Variants in PAEP observed in about 807,000 individuals in gnomAD.
The protein encoded by PAEP is progestagen associated endometrial protein, also known as glycodelin.
A neutral mutation model predicts 23.0 loss-of-function variants in PAEP; 28 were observed. That is an observed-to-expected ratio of 1.22 (90% CI 0.90 to 1.67). The LOEUF (loss-of-function observed/expected upper bound fraction) is 1.67. PAEP is among the 40% of genes most tolerant of loss of function. The pLI, the probability that PAEP is intolerant of heterozygous loss-of-function variation, is 0.00. For missense variants in PAEP, 209 were observed against 226.4 expected, an observed-to-expected ratio of 0.92 and a Z score of 0.49; for synonymous variants, 103 against 92.4, an observed-to-expected ratio of 1.12 and a Z score of -0.66.
At chr9:135,563,504 G>GGGTAGGTA (rs71381898) in intron 3 of PAEP, among the ~76,000 whole-genome samples, 4 of 145,990 alleles carry the variant, frequency 2.7e-5, no homozygotes, top group Non-Finnish European at 4.5e-5. Context: ...GTGGGTAGGT[G>GGGTAGGTA]AACAGGTGGG....
intron 2 of PAEP, 46 bp downstream of exon 2, chr9:135,562,479 C>T (rs1416321055): frequency 1.3e-6 from 2 of 1,598,878 alleles, no homozygotes; most frequent in African/African-American, 1.3e-5. Context: ...GCTCAGTCTC[C>T]CCCCTCAGGG....
Position 135,564,124 on chromosome 9 carries a change from G to A in PAEP, c.311-120G>A, listed in dbSNP as rs936080384. On this transcript the variant is annotated intron_variant, in intron 3 of 6. Transcript: ENST00000479141. Reference sequence around the variant, plus strand: ...GATCATGGTCCACAGCAGGGGCCACGTCCCATGGTGTCAGTGGATGAGGAA... The same window carrying A: ...GATCATGGTCCACAGCAGGGGCCACATCCCATGGTGTCAGTGGATGAGGAA... 2.8e-6 allele frequency: 4 copies of A among 1,427,966 alleles called. 1 individual carries two copies. In the South Asian group the frequency reaches 4.2e-5, roughly 15 times the overall value. The allele number at this position is 1,427,966 out of a possible 1,614,324, so 88.5% of individuals were successfully genotyped here.
chr9:135,564,249 G>C lies in PAEP; in HGVS notation c.316G>C (p.Val106Leu), dbSNP rs1776888551. ...NPKKFKINYT[V>L]ANEATLLDTD... ...TTCTTCTCTTCTTTCCCCAGATACG[G>C]TGGCGAACGAGGCCACGCTGCTCGA... The change falls in exon 4 of 7, where the codon GTG becomes CTG. Residue 106 changes from valine (V) to leucine (L), a missense_variant. By Grantham distance (32) the Val-to-Leu change is conservative (BLOSUM62 1). Transcript: ENST00000479141. 6.4e-7 allele frequency: 1 copy of C among 1,552,574 alleles called. No homozygotes were observed. Among genetic ancestry groups the C allele is most frequent in the Non-Finnish European group, 8.7e-7 (1 of 1,147,376 alleles).
chr9:135,562,483 C>T (rs202147827), intron 2 of PAEP, 50 bp downstream of exon 2: 15 of 1,595,684 alleles, frequency 9.4e-6, no homozygotes, highest in Admixed American at 6.8e-5. Flanking sequence ...AGTCTCCCCC[C>T]TCAGGGGTCC....
chr9:135,563,734 A>T (rs536297775), intron 3 of PAEP, among the ~76,000 whole-genome samples: 10 of 152,222 alleles, frequency 6.6e-5, no homozygotes, highest in South Asian at 2.1e-4. Flanking sequence ...TTATTTTTTT[A>T]AAAAGACAGA....
intron 4 of PAEP, chr9:135,564,572 C>T (rs1285066391): frequency 5.0e-6 from 4 of 803,080 alleles, no homozygotes; most frequent in Non-Finnish European, 6.0e-6. Context: ...GACGTGATCT[C>T]GGCTCACTGC....
rs531566560 is a variant in PAEP at position 135,565,125 on chromosome 9, C to T, written c.422-285C>T. ...CTGGGAGAGCCAGGCACTGTGCTCT[C>T]CTGTGACGCTGTAGACACCATCCTA... On this transcript the variant is annotated intron_variant, in intron 4 of 6. Coordinates refer to ENST00000479141, the MANE Select transcript of PAEP (RefSeq NM_002571.4). 2.0e-5 allele frequency among the ~76,000 whole-genome samples: 3 copies of T among 152,338 alleles called. No homozygotes were observed. In the South Asian group the frequency reaches 6.2e-4, roughly 32 times the overall value.
chr9:135,565,802 G>A lies in PAEP; in HGVS notation c.*1G>A, dbSNP rs753907807. The A allele has an allele frequency of 1.9e-6, 3 of 1,614,098 alleles. No individual in the cohort carries two copies. The South Asian group carries it at 3.3e-5, about 18-fold the overall frequency. On this transcript the variant is annotated splice_donor_variant, in intron 6 of 6. Transcript: ENST00000479141. LOFTEE classifies it low-confidence loss of function (3UTR_SPLICE). Reference sequence around the variant, plus strand: ...TCCCACAGAGCCGTGCCGTTTCTAGGTGAGCTCCTGCCTGGTCCTGCCTCC... The same window carrying A: ...TCCCACAGAGCCGTGCCGTTTCTAGATGAGCTCCTGCCTGGTCCTGCCTCC...
At position 135,566,622 on chromosome 9, in the gene PAEP, GC is replaced by G. The variant is rs1456069523; in HGVS notation, c.*73del. 4 of 154,906 alleles carry G rather than the reference GC, an allele frequency of 2.6e-5. No homozygotes were observed. The Admixed American group carries it at 2.6e-4, about 10-fold the overall frequency. 9.6% of individuals were successfully genotyped at this position (154,906 alleles called of 1,614,324 possible). On this transcript the variant is annotated 3_prime_UTR_variant, in exon 7 of 7. Transcript: ENST00000479141. The stretch of plus-strand genomic sequence containing the variant: ...CTCCAGAGCAGTGGGACTTCCTCCT[GC>G]CCTTTCAAAGAATAACCACAGCTCA...
intron 1 of PAEP, 78 bp downstream of exon 1, chr9:135,561,975 G>A (rs1428916537): frequency 2.6e-6 from 3 of 1,142,034 alleles, no homozygotes; most frequent in Non-Finnish European, 3.8e-6. Context: ...AGGAAGCCCA[G>A]GATCTCAGAA....
intron 5 of PAEP, 54 bp from the exon 6 acceptor site, chr9:135,565,731 C>A (rs1832550890): frequency 6.2e-7 from 1 of 1,606,386 alleles, no homozygotes; most frequent in Non-Finnish European, 8.5e-7. Context: ...GCTGCTGTGT[C>A]CCCAGCTGTC....
chr9:135,562,289 C>T lies in PAEP; in HGVS notation c.97-5C>T. On this transcript the variant is annotated splice_region_variant and splice_polypyrimidine_tract_variant and intron_variant, in intron 1 of 6. Transcript: ENST00000479141. ...GGACCGCCGTGCAGCCCAAGGCCCC[C>T]TCAGTTGGCAGGGACCTGGCACTCC... 6.2e-7 allele frequency: 1 copy of T among 1,613,268 alleles called. No homozygotes were observed. Among genetic ancestry groups the T allele is most frequent in the Non-Finnish European group, 8.5e-7 (1 of 1,179,680 alleles).
intron 5 of PAEP, 86 bp from the exon 6 acceptor site, chr9:135,565,699 T>C: frequency 6.5e-7 from 1 of 1,526,722 alleles, no homozygotes; most frequent in Middle Eastern, 1.7e-4. Flanking sequence ...CACCATCCTT[T>C]CATCCCTTCT....
chr9:135,565,724 G>T (rs764521684), intron 5 of PAEP, 61 bp from the exon 6 acceptor site: 19 of 1,590,072 alleles, frequency 1.2e-5, no homozygotes, highest in Non-Finnish European at 1.6e-5. Context: ...CCCTGGGGCT[G>T]CTGTGTCCCC....
In PAEP at chr9:135,566,773, C is replaced by G. The variant is rs1832592779; in HGVS notation, c.*221C>G. 6.5e-6 allele frequency: 1 copy of G among 155,006 alleles called. No homozygotes were observed. Among genetic ancestry groups the G allele is most frequent in the African/African-American group, 2.4e-5 (1 of 41,658 alleles). The allele number at this position is 155,006 out of a possible 1,614,324, so 9.6% of individuals were successfully genotyped here. A position where few individuals can be genotyped will look rare whatever the true frequency, so the allele number is the denominator to read the frequency against. On this transcript the variant is annotated 3_prime_UTR_variant, in exon 7 of 7. Transcript: ENST00000479141. The stretch of plus-strand genomic sequence containing the variant: ...AGAGGTTATTAATAAACCCTTGGAG[C>G]ATGTCCTGTCTGGATGCGCAGCCAC...
In PAEP at chr9:135,562,388, T is replaced by C. The variant is rs1276589037; in HGVS notation, c.191T>C (p.Leu64Pro). ...KAPLRVHITS[L>P]LPTPEDNLEI... ...CCTCTGAGGGTCCACATCACCTCAC[T>C]GTTGCCCACCCCCGAGGACAACCTG... The change falls in exon 2 of 7, where the codon CTG becomes CCG. Residue 64 changes from leucine (L) to proline (P), a missense_variant. By Grantham distance (98) the Leu-to-Pro change is moderately conservative. Transcript: ENST00000479141. 3.1e-6 allele frequency: 5 copies of C among 1,614,098 alleles called. No individual in the cohort carries two copies. Among genetic ancestry groups the C allele is most frequent in the Non-Finnish European group, 4.2e-6 (5 of 1,180,002 alleles).
At chr9:135,564,053 T>C (rs1002025652) in intron 3 of PAEP, among the ~76,000 whole-genome samples, 191 bp from the exon 4 acceptor site, 1 of 152,204 alleles carries the variant, frequency 6.6e-6, no homozygotes, top group Non-Finnish European at 1.5e-5. Context: ...CGGGGCTCCA[T>C]GGCCCTCCAC....
chr9:135,565,297 C>A, intron 4 of PAEP, 113 bp from the exon 5 acceptor site: 1 of 880,838 alleles, frequency 1.1e-6, no homozygotes, highest in Non-Finnish European at 1.9e-6. Context: ...TCTGCCAGAC[C>A]TCGGAGCACT....
chr9:135,565,259 C>A, intron 4 of PAEP, 151 bp from the exon 5 acceptor site: 1 of 652,856 alleles, frequency 1.5e-6, no homozygotes, highest in South Asian at 1.9e-5. Flanking sequence ...CCCCGGAGAC[C>A]GCCCTAGGGA....
Sources: allele counts gnomAD v4.1 joint callset (sites outside exome capture counted in the v4.1 genomes callset), GRCh38; gene constraint gnomAD v4.1.1; transcripts MANE v1.5; gene names NCBI Gene and HGNC (gene_info 2026-07-23, HGNC 2026-07-21).